ACADVL: variants seen among roughly 807,000 people sequenced by gnomAD.
ACADVL encodes the protein acyl-CoA dehydrogenase very long chain, also known as very long-chain acyl-CoA dehydrogenase, mitochondrial.
ACADVL carries 73 observed loss-of-function variants against 80.4 expected under a neutral mutation model. The observed-to-expected ratio is 0.91, with a 90% CI of 0.75 to 1.10. ACADVL has a LOEUF of 1.10. ACADVL is among the 50% of genes least tolerant of loss of function. The pLI is 0.00. For missense variants in ACADVL, 878 were observed against 858.9 expected (o/e 1.02, Z -0.28); for synonymous variants, 392 against 326.5 (o/e 1.20, Z -2.16).
At position 7,219,941 on chromosome 17, in the gene ACADVL, G is replaced by T; in HGVS notation, c.-44G>T. On this transcript the variant is annotated 5_prime_UTR_variant, in exon 1 of 20. Transcript: ENST00000356839. Reference sequence around the variant, plus strand: ...GGACGTGGGCGTGCAGGACGCCAGAGCTGGGTCAGAGCTCGAGCCAGCGGC... The same window carrying T: ...GGACGTGGGCGTGCAGGACGCCAGATCTGGGTCAGAGCTCGAGCCAGCGGC... 2 of 1,582,688 alleles carry T rather than the reference G, an allele frequency of 1.3e-6. No individual in the cohort carries two copies. Among genetic ancestry groups the T allele is most frequent in the Non-Finnish European group, 8.5e-7 (1 of 1,169,752 alleles).
chr17:7,222,414 A>G, intron 9 of ACADVL, 112 bp downstream of exon 9: 1 of 1,479,546 alleles, frequency 6.8e-7, no homozygotes. Flanking sequence ...AAGCAGGTGG[A>G]CTGAATGTGG....
At position 7,220,910 on chromosome 17, in the gene ACADVL, T is replaced by C. The variant is rs200368309; in HGVS notation, c.343-14T>C. 70 of 1,614,128 alleles carry C rather than the reference T, an allele frequency of 4.3e-5. No homozygotes were observed. The highest frequency in any genetic ancestry group is 5.6e-5 in the Non-Finnish European group (66 of 1,180,042). On this transcript the variant is annotated splice_polypyrimidine_tract_variant and intron_variant, in intron 5 of 19. Coordinates refer to ENST00000356839, the MANE Select transcript of ACADVL (RefSeq NM_000018.4). ...CAAAAGGAGCCTGGATGTGGGATCC[T>C]GTGCCTTCCCCAGGAAGTGAACGAT...
At position 7,220,688 on chromosome 17, in the gene ACADVL, G is replaced by C; in HGVS notation, c.277+12G>C. On this transcript the variant is annotated intron_variant, in intron 4 of 19. Coordinates refer to ENST00000356839, the MANE Select transcript of ACADVL (RefSeq NM_000018.4). The stretch of plus-strand genomic sequence containing the variant: ...CCCATACCCGTCCGGTAAGGGAAGG[G>C]ATAATCAGAGCTGGGTGGGGCCAGG... 1 of 1,614,236 alleles carries C rather than the reference G, an allele frequency of 6.2e-7. No homozygotes were observed. The highest frequency in any genetic ancestry group is 1.1e-5 in the South Asian group (1 of 91,084).
chr17:7,219,856 G>C, upstream of ACADVL: 1 of 1,538,896 alleles, frequency 6.5e-7, no homozygotes, highest in Non-Finnish European at 8.7e-7. Flanking sequence ...CATGCCCCGG[G>C]GCCCGCAACC....
chr17:7,223,354 T>C (rs762515646), intron 11 of ACADVL, 117 bp downstream of exon 11: 2 of 1,003,080 alleles, frequency 2.0e-6, no homozygotes, highest in Non-Finnish European at 3.2e-6. Context: ...ACCAATGCCC[T>C]AGGGGATGCG....
chr17:7,220,255 G>A, intron 2 of ACADVL, 58 bp downstream of exon 2: 1 of 1,508,066 alleles, frequency 6.6e-7, no homozygotes, highest in Non-Finnish European at 8.9e-7. Flanking sequence ...TTCGGCGCCC[G>A]CCATCGGCAG....
chr17:7,219,045 A>G (rs890983134), upstream of ACADVL: 12 of 642,532 alleles, frequency 1.9e-5, no homozygotes, highest in Admixed American at 1.3e-4. Flanking sequence ...ATAGGCAGGC[A>G]GAACCTAGCC....
chr17:7,217,165 C>T, upstream of ACADVL: 3 of 1,286,026 alleles, frequency 2.3e-6, no homozygotes, highest in South Asian at 6.2e-5. Context: ...GGCCTGGCCG[C>T]GGCGGCGGGT....
chr17:7,220,403 G>C, intron 2 of ACADVL, 61 bp from the exon 3 acceptor site: 4 of 1,609,744 alleles, frequency 2.5e-6, no homozygotes, highest in Non-Finnish European at 3.4e-6. Context: ...GCTCTCGCCT[G>C]TTCTCCCCTT....
chr17:7,217,409 G>A (rs1026312176), upstream of ACADVL: 4 of 491,314 alleles, frequency 8.1e-6, no homozygotes, highest in East Asian at 1.2e-4. Context: ...ATTCTCAGGA[G>A]GGGCGGGGGC....
At chr17:7,220,222 G>C in intron 2 of ACADVL, 25 bp downstream of exon 2, 2 of 1,526,348 alleles carry the variant, frequency 1.3e-6, no homozygotes, top group Non-Finnish European at 1.8e-6. Context: ...CCTTGGCAAG[G>C]GGGTGTGGGA....
At chr17:7,219,848 T>C (rs1297505116), upstream of ACADVL, 7 of 1,538,450 alleles carry the variant, frequency 4.6e-6, no homozygotes, top group Admixed American at 3.9e-5. Context: ...GCTCCCAGCA[T>C]GCCCCGGGGC....
rs1567560128 is a variant in ACADVL, at chr17:7,220,181, CCGG to C, written c.123_125del (p.Gly43del). 7.8e-6 allele frequency: 12 copies of C among 1,534,434 alleles called. No homozygotes were observed. The highest frequency in any genetic ancestry group is 1.0e-5 in the Non-Finnish European group (12 of 1,146,476). On this transcript the variant is annotated inframe_deletion, in exon 2 of 20. Transcript: ENST00000356839. ...CCCGGCCCTGCCCGGCGGCCCTATG[CCGG>C]GGGTGCCGCTCAGGTAAGTCACCGC...
intron 6 of ACADVL, 194 bp downstream of exon 6, chr17:7,221,252 A>G (rs1286360878): frequency 1.9e-6 from 2 of 1,050,758 alleles, no homozygotes; most frequent in Non-Finnish European, 2.7e-6. Context: ...CATGGGCCTC[A>G]CCCTGGTTCC....
chr17:7,223,253 G>C lies in ACADVL; in HGVS notation c.1182+16G>C. 1 of 1,600,940 alleles carries C rather than the reference G, an allele frequency of 6.2e-7. No individual in the cohort carries two copies. The highest frequency in any genetic ancestry group is 8.6e-7 in the Non-Finnish European group (1 of 1,168,126). ...TGTAACTGAGGTGAGGGCCTCCCAA[G>C]CCCCTCTCCCTGGAGCCCTGGGGCT... On this transcript the variant is annotated intron_variant, in intron 11 of 19. Coordinates refer to ENST00000356839, the MANE Select transcript of ACADVL (RefSeq NM_000018.4).
chr17:7,224,344 T>G lies in ACADVL; in HGVS notation c.1556T>G (p.Leu519Arg). ...LRRRAGLGSG[L>R]SLSGLVHPEL... The stretch of plus-strand genomic sequence containing the variant: ...AGGCGGGCAGGGCTGGGCAGCGGCC[T>G]GAGTCTCAGCGGACTTGTCCACCCG... Residue 519 changes from leucine to arginine, a missense_variant, in exon 16 of 20, where the codon CTG (leucine) becomes CGG (arginine). Physicochemically the swap from Leu to Arg is moderately radical, Grantham distance 102 (BLOSUM62 -2). Coordinates refer to ENST00000356839, the MANE Select transcript of ACADVL (RefSeq NM_000018.4). 1.2e-6 allele frequency: 2 copies of G among 1,613,862 alleles called. No homozygotes were observed. The highest frequency in any genetic ancestry group is 1.7e-6 in the Non-Finnish European group (2 of 1,179,962).
upstream of ACADVL, chr17:7,219,066 G>A (rs1340145544): frequency 1.7e-6 from 1 of 605,322 alleles, no homozygotes; most frequent in Non-Finnish European, 2.9e-6. Context: ...ACGCTCTCCT[G>A]AGAAGCCAGC....
At chr17:7,219,243 G>A (rs73976748), upstream of ACADVL, 11,777 of 370,484 alleles carry the variant, frequency 0.032, 1,286 homozygotes, top group African/African-American at 0.23. Flanking sequence ...TTACGGGTAA[G>A]AGGCAGGAGA....
Position 7,225,184 on chromosome 17 carries a change from G to C in ACADVL, c.*87G>C. The C allele has an allele frequency of 1.3e-6, 2 of 1,582,722 alleles. No individual in the cohort carries two copies. The highest frequency in any genetic ancestry group is 1.1e-5 in the South Asian group (1 of 90,268). ...TTTCCTTAAGGCCCTGGTTTGTCCC[G>C]AAGGGGCCTAGTGTTCCCAGCACTG... On this transcript the variant is annotated 3_prime_UTR_variant, in exon 20 of 20. Transcript: ENST00000356839.
Sources: gnomAD v4.1 joint callset for allele counts on GRCh38, gnomAD v4.1.1 for gene constraint, MANE v1.5 for transcripts, NCBI Gene and HGNC (gene_info 2026-07-23, HGNC 2026-07-21) for gene names.